Variants in RAB4A observed in about 807,000 individuals in gnomAD.
The protein encoded by RAB4A is RAB4A, member RAS oncogene family, also known as ras-related protein Rab-4A.
A neutral mutation model predicts 34.5 loss-of-function variants in RAB4A; 20 were observed. The ratio of observed to expected loss-of-function variants is 0.58; its 90% CI spans 0.41 to 0.84. The LOEUF (loss-of-function observed/expected upper bound fraction) is 0.84, where lower values mean the gene tolerates loss of function less well. Among genes scored for constraint, RAB4A ranks in the 40% least tolerant of loss-of-function variants. The probability of loss-of-function intolerance (pLI) is 0.00; values close to 1 mark genes in which losing one functional copy is unlikely to be tolerated. For synonymous variants in RAB4A, 102 were observed against 100.0 expected, an observed-to-expected ratio of 1.02 and a Z score of -0.12; for missense variants, 228 against 274.5, an observed-to-expected ratio of 0.83 and a Z score of 1.20.
At chr1:229,300,864 T>C (rs1657368320) in intron 6 of RAB4A, among the ~76,000 whole-genome samples, 1 of 151,776 alleles carries the variant, frequency 6.6e-6, no homozygotes, top group African/African-American at 2.4e-5. Context: ...ACCCTGGAGT[T>C]GGAGGATGAG....
At chr1:229,301,456 TG>T (rs1228098231) in intron 6 of RAB4A, among the ~76,000 whole-genome samples, 1 of 152,132 alleles carries the variant, frequency 6.6e-6, no homozygotes, top group Non-Finnish European at 1.5e-5. Context: ...TTACTAAGCT[TG>T]GTACAAAAAC....
At position 229,271,194 on chromosome 1, in the gene RAB4A, G is replaced by A; in HGVS notation, c.-146G>A. The A allele has an allele frequency of 1.0e-5, 8 of 792,648 alleles. No homozygotes were observed. Among genetic ancestry groups the A allele is most frequent in the South Asian group, 4.8e-5 (1 of 20,712 alleles). The allele number at this position is 792,648 out of a possible 1,614,324, so 49.1% of individuals were successfully genotyped here. On this transcript the variant is annotated 5_prime_UTR_variant, in exon 1 of 8. Coordinates refer to ENST00000366690, the MANE Select transcript of RAB4A (RefSeq NM_004578.4). ...GCTGGAGTCCGGCTGGGCCGCAGCC[G>A]CTGGGAGACCGGCGGTTGCCGTGGG...
chr1:229,286,107 C>A (rs1656917787), intron 1 of RAB4A, among the ~76,000 whole-genome samples: 1 of 152,206 alleles, frequency 6.6e-6, no homozygotes, highest in African/African-American at 2.4e-5. Flanking sequence ...TCAAAGTCTA[C>A]CAGGTTTATT....
chr1:229,274,593 A>G lies in RAB4A; in HGVS notation c.31+3223A>G, dbSNP rs1028838625. ...ATATGAAACAGTTCTACCAAATGCC[A>G]TTAGATACACTACATTCTTAAAGCC... On this transcript the variant is annotated intron_variant, in intron 1 of 7. Transcript: ENST00000366690. Among the ~76,000 whole-genome samples, 10 of 152,252 alleles carry G rather than the reference A, an allele frequency of 6.6e-5. 1 individual carries two copies. The highest frequency in any genetic ancestry group is 2.4e-4 in the African/African-American group (10 of 41,472).
chr1:229,305,497 G>C lies in RAB4A; in HGVS notation c.*1704G>C. 1 of 443,600 alleles carries C rather than the reference G, an allele frequency of 2.3e-6. No individual in the cohort carries two copies. The highest frequency in any genetic ancestry group is 4.0e-6 in the Non-Finnish European group (1 of 251,494). 27.5% of individuals were successfully genotyped at this position (443,600 alleles called of 1,614,324 possible). A position where few individuals can be genotyped will look rare whatever the true frequency, so the allele number is the denominator to read the frequency against. ...CCTTTGGCCAATAAAAGTTGCTGGA[G>C]AACCAAACCATGGTGGTTCTTAATC... On this transcript the variant is annotated 3_prime_UTR_variant, in exon 8 of 8. Coordinates refer to ENST00000366690, the MANE Select transcript of RAB4A (RefSeq NM_004578.4).
In RAB4A at chr1:229,271,324, C is replaced by A; in HGVS notation, c.-16C>A. 1 of 1,315,762 alleles carries A rather than the reference C, an allele frequency of 7.6e-7. No individual in the cohort carries two copies. The highest frequency in any genetic ancestry group is 2.1e-5 in the South Asian group (1 of 47,660). The allele number at this position is 1,315,762 out of a possible 1,614,324, so 81.5% of individuals were successfully genotyped here. A position where few individuals can be genotyped will look rare whatever the true frequency, so the allele number is the denominator to read the frequency against. ...GTGCAGCCGGTGACCCGGCGAGAGG[C>A]GGCGCCGCTCCCAAGATGTCGCAGA... On this transcript the variant is annotated 5_prime_UTR_variant, in exon 1 of 8. Coordinates refer to ENST00000366690, the MANE Select transcript of RAB4A (RefSeq NM_004578.4).
intron 6 of RAB4A, among the ~76,000 whole-genome samples, chr1:229,302,622 GT>G (rs529774768): frequency 6.6e-6 from 1 of 151,354 alleles, no homozygotes; most frequent in Non-Finnish European, 1.5e-5. Context: ...AAGTCCCCCT[GT>G]TACCACCCCC....
chr1:229,290,403 G>A (rs1186152151), intron 3 of RAB4A, among the ~76,000 whole-genome samples: 1 of 152,096 alleles, frequency 6.6e-6, no homozygotes, highest in Non-Finnish European at 1.5e-5. Context: ...CCACATAGGA[G>A]AAAGGAGCCT....
rs117276980 is a variant in RAB4A at position 229,299,137 on chromosome 1, C to T, written c.541+65C>T. The stretch of plus-strand genomic sequence containing the variant: ...TTTACACTGTAGCTCAGTAGATCAC[C>T]TTTTAATTAATAGTTTCAGGGTGAT... On this transcript the variant is annotated intron_variant, in intron 6 of 7. Transcript: ENST00000366690. 1,393 of 1,114,554 alleles carry T rather than the reference C, an allele frequency of 1.2e-3. 20 individuals are homozygous for T. In the East Asian group the frequency reaches 0.03, roughly 24 times the overall value. 69.0% of individuals were successfully genotyped at this position (1,114,554 alleles called of 1,614,324 possible).
chr1:229,293,072 C>CA (rs996883938), intron 3 of RAB4A, among the ~76,000 whole-genome samples: 3 of 152,186 alleles, frequency 2.0e-5, no homozygotes, highest in African/African-American at 7.2e-5. Flanking sequence ...ATGATTCACA[C>CA]AACTCAGGAA....
chr1:229,271,620 A>C (rs1018353822), intron 1 of RAB4A, among the ~76,000 whole-genome samples: 2 of 152,062 alleles, frequency 1.3e-5, no homozygotes, highest in Non-Finnish European at 2.9e-5. Context: ...CGCCTTTTCA[A>C]GTTTCCTCTT....
At position 229,305,374 on chromosome 1, in the gene RAB4A, T is replaced by A. The variant is rs373594544; in HGVS notation, c.*1581T>A. The A allele has an allele frequency of 7.9e-7, 1 of 1,261,302 alleles. No individual in the cohort carries two copies. The highest frequency in any genetic ancestry group is 1.1e-6 in the Non-Finnish European group (1 of 936,270). The allele number at this position is 1,261,302 out of a possible 1,614,324, so 78.1% of individuals were successfully genotyped here. A position where few individuals can be genotyped will look rare whatever the true frequency, so the allele number is the denominator to read the frequency against. On this transcript the variant is annotated 3_prime_UTR_variant, in exon 8 of 8. Coordinates refer to ENST00000366690, the MANE Select transcript of RAB4A (RefSeq NM_004578.4). The stretch of plus-strand genomic sequence containing the variant: ...AGCATGTCTATTCTAACACATCAGC[T>A]TATTCAAAAGCAAGAATTTTAAAAA...
intron 3 of RAB4A, 168 bp downstream of exon 3, chr1:229,289,011 A>C (rs1352210409): frequency 3.4e-6 from 2 of 592,802 alleles, no homozygotes; most frequent in African/African-American, 3.8e-5. Context: ...GCTAAAATTT[A>C]GGTTAGCTCT....
In RAB4A at chr1:229,305,317, T is replaced by C; in HGVS notation, c.*1524T>C. ...CATTTATGATAGATTTGCAAGCTGC[T>C]CATTTTTGAACAGCTTTTTGCATGG... On this transcript the variant is annotated 3_prime_UTR_variant, in exon 8 of 8. Coordinates refer to ENST00000366690, the MANE Select transcript of RAB4A (RefSeq NM_004578.4). 1 of 1,578,088 alleles carries C rather than the reference T, an allele frequency of 6.3e-7. No individual in the cohort carries two copies. The highest frequency in any genetic ancestry group is 8.6e-7 in the Non-Finnish European group (1 of 1,165,494).
At chr1:229,276,047 C>CA (rs1267594340) in intron 1 of RAB4A, among the ~76,000 whole-genome samples, 1 of 151,412 alleles carries the variant, frequency 6.6e-6, no homozygotes, top group Non-Finnish European at 1.5e-5. Context: ...AACATGTCAA[C>CA]AAAGGAATCC....
chr1:229,279,331 G>GA (rs982558235), intron 1 of RAB4A, among the ~76,000 whole-genome samples: 1 of 152,216 alleles, frequency 6.6e-6, no homozygotes, highest in African/African-American at 2.4e-5. Context: ...TAATTTTCTT[G>GA]AACACTCAAG....
chr1:229,292,822 A>C lies in RAB4A; in HGVS notation c.228-3026A>C, dbSNP rs892516266. On this transcript the variant is annotated intron_variant, in intron 3 of 7. Transcript: ENST00000366690. Reference sequence around the variant, plus strand: ...CATCAAGTCTATGGGGTTTTTCTTCACACCAGCCAGTCGGATTCTCTGACA... The same window carrying C: ...CATCAAGTCTATGGGGTTTTTCTTCCCACCAGCCAGTCGGATTCTCTGACA... Among the ~76,000 whole-genome samples the C allele has an allele frequency of 2.0e-5, 3 of 151,724 alleles. No individual in the cohort carries two copies. In the South Asian group the frequency reaches 6.3e-4, roughly 32 times the overall value.
At chr1:229,295,297 A>G (rs1219982004) in intron 3 of RAB4A, among the ~76,000 whole-genome samples, 1 of 152,196 alleles carries the variant, frequency 6.6e-6, no homozygotes, top group African/African-American at 2.4e-5. Context: ...GAAAACATGT[A>G]TGACCAAAAG....
intron 6 of RAB4A, 26 bp from the exon 7 acceptor site, chr1:229,302,836 T>A (rs775904088): frequency 2.0e-6 from 3 of 1,532,192 alleles, no homozygotes; most frequent in Non-Finnish European, 2.7e-6. Flanking sequence ...AAGCCTTTTT[T>A]AAAAGAAGAC....
Sources: allele counts gnomAD v4.1 joint callset (sites outside exome capture counted in the v4.1 genomes callset), GRCh38; gene constraint gnomAD v4.1.1; transcripts MANE v1.5; gene names NCBI Gene and HGNC (gene_info 2026-07-23, HGNC 2026-07-21).